Variants in TRAM2 observed in about 807,000 individuals in gnomAD.
TRAM2 encodes the protein translocation associated membrane protein 2, also known as translocating chain-associated membrane protein 2.
TRAM2 carries 12 observed loss-of-function variants against 51.0 expected under a neutral mutation model. The ratio of observed to expected loss-of-function variants is 0.24; its 90% CI spans 0.15 to 0.38. The LOEUF is 0.38. Ranked by LOEUF, TRAM2 falls within the 10% of genes least tolerant of loss-of-function variation. The pLI is 1.00. For missense variants in TRAM2, 361 were observed against 462.0 expected (o/e 0.78, Z 2.00); for synonymous variants, 175 against 179.4 (o/e 0.98, Z 0.20).
rs373265077 is a variant in TRAM2, at chr6:52,508,280, T to G, written c.509A>C (p.Tyr170Ser). The G allele has an allele frequency of 6.2e-7, 1 of 1,613,852 alleles. No individual in the cohort carries two copies. Residue 170 changes from tyrosine to serine, a missense_variant, in exon 6 of 11, where the codon TAC (tyrosine) becomes TCC (serine). Tyr to Ser is a moderately radical substitution (Grantham distance 144). Coordinates refer to ENST00000182527, the MANE Select transcript of TRAM2 (RefSeq NM_012288.4). Reference protein sequence around the residue: ...VKFFYLCQLAYWLHALPELYF... With the variant: ...VKFFYLCQLASWLHALPELYF... The stretch of plus-strand genomic sequence containing the variant: ...TAGCTCAGGAAGTGCGTGCAGCCAG[T>G]AGGCCAGCTGGCATAGGTAGAAAAA...
chr6:52,546,100 A>C (rs1175248995), intron 1 of TRAM2, among the ~76,000 whole-genome samples: 1 of 152,144 alleles, frequency 6.6e-6, no homozygotes, highest in Non-Finnish European at 1.5e-5. Flanking sequence ...GGAAAACTTC[A>C]CCAGCAACGT....
intron 2 of TRAM2, among the ~76,000 whole-genome samples, chr6:52,519,118 A>T (rs1001274406): frequency 2.0e-5 from 3 of 152,242 alleles, no homozygotes; most frequent in Non-Finnish European, 4.4e-5. Flanking sequence ...GCGCACATGC[A>T]TCCTCATTGG....
chr6:52,505,564 C>T (rs373010112), intron 9 of TRAM2, 35 bp downstream of exon 9: 18 of 1,572,764 alleles, frequency 1.1e-5, no homozygotes, highest in Non-Finnish European at 1.6e-5. Flanking sequence ...CAGGAGGCTC[C>T]CTGGCTTATC....
chr6:52,555,939 C>CA (rs1375996557), intron 1 of TRAM2, among the ~76,000 whole-genome samples: 2 of 152,166 alleles, frequency 1.3e-5, no homozygotes, highest in African/African-American at 2.4e-5. Flanking sequence ...AGTCCTTCAA[C>CA]AAAAACAACA....
intron 1 of TRAM2, among the ~76,000 whole-genome samples, chr6:52,543,705 C>T (rs1455180270): frequency 6.6e-6 from 1 of 152,106 alleles, no homozygotes; most frequent in Non-Finnish European, 1.5e-5. Flanking sequence ...CTCCGTAAGA[C>T]AGAAAGCAAA....
intron 2 of TRAM2, chr6:52,516,950 G>A: frequency 1.8e-6 from 1 of 562,722 alleles, no homozygotes; most frequent in South Asian, 2.0e-5. Flanking sequence ...GGAGAACCAA[G>A]TGCATGGCTG....
chr6:52,570,388 A>C (rs1454358094), intron 1 of TRAM2, among the ~76,000 whole-genome samples: 1 of 152,232 alleles, frequency 6.6e-6, no homozygotes, highest in Non-Finnish European at 1.5e-5. Flanking sequence ...GGTAATAAAC[A>C]GATTCCACTC....
rs1766140594 is a variant in TRAM2, at chr6:52,498,697, GA to G, written c.*4499del. 6.6e-6 allele frequency: 1 copy of G among 152,454 alleles called. No homozygotes were observed. Among genetic ancestry groups the G allele is most frequent in the South Asian group, 2.1e-4 (1 of 4,824 alleles). 9.4% of individuals were successfully genotyped at this position (152,454 alleles called of 1,614,324 possible). ...CAAGGGAGAAACCAAAAACAAAACA[GA>G]ACACACCACAGACCCTAATCCTGGG... On this transcript the variant is annotated 3_prime_UTR_variant, in exon 11 of 11. Transcript: ENST00000182527.
chr6:52,528,216 C>G (rs3789769), intron 2 of TRAM2, among the ~76,000 whole-genome samples: 100,743 of 151,906 alleles, frequency 0.66, 34,130 homozygotes, highest in East Asian at 0.89. Flanking sequence ...TTGGGAGCAC[C>G]AATCAATTCT....
At chr6:52,512,752 C>T (rs1427756114) in intron 4 of TRAM2, among the ~76,000 whole-genome samples, 3 of 152,200 alleles carry the variant, frequency 2.0e-5, no homozygotes, top group Admixed American at 6.6e-5. Context: ...AACACAACCA[C>T]GAAGAACAGC....
intron 2 of TRAM2, among the ~76,000 whole-genome samples, chr6:52,521,463 G>A (rs1035203935): frequency 4.6e-5 from 7 of 151,726 alleles, no homozygotes; most frequent in African/African-American, 1.7e-4. Flanking sequence ...GGAGGCCGAG[G>A]CAGGCGGATC....
Position 52,516,109 on chromosome 6 carries a change from C to T in TRAM2, c.308G>A (p.Arg103Gln), listed in dbSNP as rs764607461. 1.9e-6 allele frequency: 3 copies of T among 1,613,986 alleles called. No individual in the cohort carries two copies. The highest frequency in any genetic ancestry group is 1.7e-5 in the Admixed American group (1 of 59,996). Residue 103 changes from arginine (R) to glutamine (Q), a missense_variant, in exon 4 of 11, where the codon CGG becomes CAG. Arg to Gln is a conservative substitution (Grantham distance 43, BLOSUM62 1). Transcript: ENST00000182527. ...GTGTTTGACTTTGGAGAGATGAAGCCGTTTGCTGATTTTCTAAAGAATAAA... is the reference window on the plus strand; with the variant it reads ...GTGTTTGACTTTGGAGAGATGAAGCTGTTTGCTGATTTTCTAAAGAATAAA... ...QEYILDKISKRLHLSKVKHSK... is the reference protein window; with the variant it reads ...QEYILDKISKQLHLSKVKHSK...
rs1473284034 is a variant in TRAM2, at chr6:52,498,550, G to A, written c.*4647C>T. ...ACGGAGAAGGAGTTTGCTATGTGGG[G>A]CCAGAGGAGAGTTTTCGAAGTGGGG... On this transcript the variant is annotated 3_prime_UTR_variant, in exon 11 of 11. Coordinates refer to ENST00000182527, the MANE Select transcript of TRAM2 (RefSeq NM_012288.4). The A allele has an allele frequency of 1.3e-5, 2 of 152,210 alleles. No individual in the cohort carries two copies. Among genetic ancestry groups the A allele is most frequent in the Admixed American group, 6.5e-5 (1 of 15,274 alleles). 9.4% of individuals were successfully genotyped at this position (152,210 alleles called of 1,614,324 possible). A position where few individuals can be genotyped will look rare whatever the true frequency, so the allele number is the denominator to read the frequency against.
At chr6:52,550,199 C>T (rs1767283330) in intron 1 of TRAM2, among the ~76,000 whole-genome samples, 1 of 152,168 alleles carries the variant, frequency 6.6e-6, no homozygotes, top group Admixed American at 6.5e-5. Context: ...GTCACTGCAA[C>T]CCTCCACCAA....
At chr6:52,561,735 C>T (rs1335702867) in intron 1 of TRAM2, among the ~76,000 whole-genome samples, 1 of 152,120 alleles carries the variant, frequency 6.6e-6, no homozygotes, top group African/African-American at 2.4e-5. Context: ...GTGATCCACC[C>T]GCCTCGGCCT....
intron 2 of TRAM2, among the ~76,000 whole-genome samples, chr6:52,520,128 T>C (rs1267070344): frequency 1.3e-5 from 2 of 152,186 alleles, no homozygotes; most frequent in East Asian, 3.8e-4. Flanking sequence ...ATGGTTAAGA[T>C]GGTAAGTTTT....
intron 1 of TRAM2, among the ~76,000 whole-genome samples, chr6:52,557,813 T>C (rs1450708954): frequency 2.6e-5 from 4 of 152,184 alleles, no homozygotes; most frequent in African/African-American, 9.7e-5. Context: ...AAATCAAATG[T>C]GACCTGGAGC....
intron 4 of TRAM2, 175 bp downstream of exon 4, chr6:52,515,831 A>T: frequency 3.2e-6 from 2 of 634,812 alleles, no homozygotes; most frequent in Non-Finnish European, 5.6e-6. Flanking sequence ...TACCATGAGG[A>T]TGCAAACATA....
rs1340967870 is a variant in TRAM2 at position 52,516,621 on chromosome 6, C to A, written c.294+7G>T. The A allele has an allele frequency of 6.2e-7, 1 of 1,610,054 alleles. No individual in the cohort carries two copies. Among genetic ancestry groups the A allele is most frequent in the Admixed American group, 1.7e-5 (1 of 60,008 alleles). ...TTCTGATCTCAGAATCCAGACATGT[C>A]ACTTACATCTAAAATGTACTCCTGA... On this transcript the variant is annotated splice_region_variant and intron_variant, in intron 3 of 10. Transcript: ENST00000182527.
Sources: allele counts gnomAD v4.1 joint callset (sites outside exome capture counted in the v4.1 genomes callset), GRCh38; gene constraint gnomAD v4.1.1; transcripts MANE v1.5; gene names NCBI Gene and HGNC (gene_info 2026-07-23, HGNC 2026-07-21).